TANC2: variants seen among roughly 807,000 people sequenced by gnomAD.
TANC2 encodes protein TANC2.
Under a neutral mutation model 210.5 loss-of-function variants are expected in TANC2, and 26 were observed. That is an observed-to-expected ratio of 0.12 (90% CI 0.09 to 0.17). The LOEUF (loss-of-function observed/expected upper bound fraction) is 0.17, where lower values mean the gene tolerates loss of function less well. Ranked by LOEUF, TANC2 falls within the 10% of genes least tolerant of loss-of-function variation. TANC2 has a pLI of 1.00. For missense variants in TANC2, 2,129 were observed against 2,608.9 expected, an observed-to-expected ratio of 0.82 and a Z score of 4.01; for synonymous variants, 931 against 967.1, an observed-to-expected ratio of 0.96 and a Z score of 0.69.
intron 9 of TANC2, among the ~76,000 whole-genome samples, chr17:63,303,997 T>C (rs2044812105): frequency 6.6e-6 from 1 of 152,066 alleles, no homozygotes; most frequent in South Asian, 2.1e-4. Context: ...ATAACCTTTA[T>C]CAAGGTTCTT....
intron 5 of TANC2, among the ~76,000 whole-genome samples, chr17:63,177,381 G>A (rs1430594162): frequency 6.6e-6 from 1 of 151,592 alleles, no homozygotes; most frequent in Non-Finnish European, 1.5e-5. Context: ...AATAGGAAAT[G>A]GAATTGAATC....
intron 7 of TANC2, among the ~76,000 whole-genome samples, chr17:63,221,182 A>C (rs1416314294): frequency 6.6e-6 from 1 of 152,102 alleles, no homozygotes; most frequent in Non-Finnish European, 1.5e-5. Flanking sequence ...TCAAGCCTGT[A>C]ATCTTGGCAC....
intron 3 of TANC2, among the ~76,000 whole-genome samples, chr17:63,087,306 G>A (rs1026401780): frequency 2.0e-5 from 3 of 152,184 alleles, no homozygotes; most frequent in African/African-American, 7.2e-5. Flanking sequence ...CTTTAGTAAT[G>A]TAGTGTTCAG....
intron 7 of TANC2, among the ~76,000 whole-genome samples, chr17:63,209,559 G>A (rs556229799): frequency 9.9e-5 from 15 of 152,082 alleles, no homozygotes; most frequent in African/African-American, 3.4e-4. Context: ...TCAGCCTCCC[G>A]AGTGGCTGGG....
chr17:63,364,064 A>G (rs767099055), intron 14 of TANC2, among the ~76,000 whole-genome samples: 2 of 152,116 alleles, frequency 1.3e-5, no homozygotes, highest in African/African-American at 2.4e-5. Context: ...ATTTTTTCCT[A>G]TTATCCACTT....
intron 2 of TANC2, among the ~76,000 whole-genome samples, chr17:63,014,781 A>G (rs940578047): frequency 1.3e-5 from 2 of 152,116 alleles, no homozygotes; most frequent in Non-Finnish European, 2.9e-5. Flanking sequence ...TTTTCTGGGT[A>G]TTTAGTTATA....
chr17:63,145,252 A>G (rs141845459), intron 4 of TANC2, among the ~76,000 whole-genome samples: 1 of 152,248 alleles, frequency 6.6e-6, no homozygotes, highest in East Asian at 1.9e-4. Context: ...AACCTAACAG[A>G]GATCCAGGGT....
chr17:63,244,665 C>T (rs921607358), intron 8 of TANC2, among the ~76,000 whole-genome samples: 2 of 152,184 alleles, frequency 1.3e-5, no homozygotes, highest in African/African-American at 2.4e-5. Flanking sequence ...TGTCTCATCC[C>T]TTCTTAAAAC....
At chr17:63,034,932 A>T (rs1472108220) in intron 2 of TANC2, among the ~76,000 whole-genome samples, 1 of 152,190 alleles carries the variant, frequency 6.6e-6, no homozygotes, top group Non-Finnish European at 1.5e-5. Flanking sequence ...AATAATTTAG[A>T]ATATTTCATA....
chr17:63,318,600 G>A (rs2045390116), intron 10 of TANC2, among the ~76,000 whole-genome samples: 1 of 152,082 alleles, frequency 6.6e-6, no homozygotes. Context: ...TACAATATAT[G>A]GTCCTTTTTT....
At chr17:63,398,731 A>G (rs1567985246) in intron 18 of TANC2, 90 bp from the exon 19 acceptor site, 2 of 803,996 alleles carry the variant, frequency 2.5e-6, no homozygotes, top group East Asian at 2.7e-5. Context: ...TGATACTTGG[A>G]TCATCCAAGC....
intron 4 of TANC2, among the ~76,000 whole-genome samples, chr17:63,144,620 G>C (rs2039403605): frequency 6.6e-6 from 1 of 151,916 alleles, no homozygotes; most frequent in Non-Finnish European, 1.5e-5. Context: ...GGAACTAAAA[G>C]GCATAACACG....
chr17:63,062,281 G>GT (rs1415326241), intron 2 of TANC2, among the ~76,000 whole-genome samples: 2 of 151,984 alleles, frequency 1.3e-5, no homozygotes, highest in Admixed American at 1.3e-4. Context: ...CTCTTTTGTT[G>GT]TTTTTTTGTG....
chr17:63,198,054 G>A (rs902235964), intron 6 of TANC2, among the ~76,000 whole-genome samples: 4 of 152,110 alleles, frequency 2.6e-5, no homozygotes, highest in Non-Finnish European at 5.9e-5. Flanking sequence ...ATAAGTAAGT[G>A]CTGTTTGGGC....
intron 11 of TANC2, among the ~76,000 whole-genome samples, chr17:63,327,343 A>G (rs1372079350): frequency 1.3e-5 from 2 of 152,254 alleles, no homozygotes; most frequent in African/African-American, 2.4e-5. Context: ...AAATAGAGCT[A>G]TCATATGATC....
chr17:63,266,789 C>T (rs548013027), intron 8 of TANC2, among the ~76,000 whole-genome samples: 3 of 152,220 alleles, frequency 2.0e-5, no homozygotes, highest in East Asian at 1.9e-4. Flanking sequence ...TTCCCTCTCA[C>T]CAACTCAAAC....
intron 12 of TANC2, among the ~76,000 whole-genome samples, chr17:63,350,139 A>G (rs2046551967): frequency 6.6e-6 from 1 of 152,220 alleles, no homozygotes; most frequent in Admixed American, 6.5e-5. Context: ...ATATGGAAAC[A>G]AAATAGTATG....
At chr17:63,101,244 G>T (rs1014010311) in intron 4 of TANC2, among the ~76,000 whole-genome samples, 2 of 152,060 alleles carry the variant, frequency 1.3e-5, no homozygotes, top group Non-Finnish European at 2.9e-5. Flanking sequence ...TAAGTAAAAG[G>T]AAAGTTGAAT....
intron 1 of TANC2, among the ~76,000 whole-genome samples, chr17:62,995,613 G>A (rs1055520989): frequency 6.6e-6 from 1 of 152,100 alleles, no homozygotes; most frequent in Non-Finnish European, 1.5e-5. Flanking sequence ...CAAAAATGAG[G>A]ATTCATAATT....
Sources: gnomAD v4.1 joint callset for allele counts (sites outside exome capture counted in the v4.1 genomes callset) on GRCh38, gnomAD v4.1.1 for gene constraint, MANE v1.5 for transcripts, NCBI Gene and HGNC (gene_info 2026-07-23, HGNC 2026-07-21) for gene names.